Variants in MAP4K5 observed in about 807,000 individuals in gnomAD.
MAP4K5 encodes the protein MAPK/ERK kinase kinase kinase 5.
In MAP4K5, 82 loss-of-function variants were observed where a neutral mutation model predicts 135.6. The observed-to-expected ratio is 0.60, with a 90% CI of 0.51 to 0.73. The LOEUF is 0.73. Among genes scored for constraint, MAP4K5 ranks in the 30% least tolerant of loss-of-function variants. MAP4K5 has a pLI of 0.00. For synonymous variants in MAP4K5, 347 were observed against 335.0 expected (o/e 1.04, Z -0.39); for missense variants, 907 against 1,010.9 (o/e 0.90, Z 1.39).
At chr14:50,521,261 A>C (rs976685030) in intron 2 of MAP4K5, among the ~76,000 whole-genome samples, 7 of 152,238 alleles carry the variant, frequency 4.6e-5, no homozygotes, top group Non-Finnish European at 8.8e-5. Context: ...TATTGAAATC[A>C]GTCCATAAAT....
intron 2 of MAP4K5, among the ~76,000 whole-genome samples, chr14:50,539,680 A>G (rs542296208): frequency 6.6e-6 from 1 of 152,338 alleles, no homozygotes; most frequent in African/African-American, 2.4e-5. Context: ...GTATAGCCCT[A>G]ATGGGGAAGT....
intron 23 of MAP4K5, chr14:50,438,338 T>C (rs1030694601): frequency 1.3e-5 from 3 of 235,664 alleles, no homozygotes; most frequent in African/African-American, 7.0e-5. Context: ...TGAGTTACAA[T>C]GATGTACATG....
chr14:50,421,878 T>A (rs1039331205), intron 32 of MAP4K5, among the ~76,000 whole-genome samples: 1 of 136,192 alleles, frequency 7.3e-6, no homozygotes, highest in South Asian at 2.4e-4. Context: ...CCAGGATCAA[T>A]GGATGATCCA....
chr14:50,560,725 AC>A lies in MAP4K5; in HGVS notation c.-180+314del, dbSNP rs573424305. 9.4e-3 allele frequency among the ~76,000 whole-genome samples: 1,424 copies of A among 151,742 alleles called. 6 individuals carry two copies. Among genetic ancestry groups the A allele is most frequent in the Middle Eastern group, 0.017 (5 of 294 alleles). Reference sequence around the variant, plus strand: ...GGGATCTAGAGCAGGCCAAGCCCCAACCCCCCTCCCCGGGAGCCGCCAACTC... The same window carrying A: ...GGGATCTAGAGCAGGCCAAGCCCCAACCCCCTCCCCGGGAGCCGCCAACTC... On this transcript the variant is annotated intron_variant, in intron 1 of 8. Transcript: ENST00000555216.
At chr14:50,528,810 GAAAATACTT>G (rs1313357603) in intron 2 of MAP4K5, among the ~76,000 whole-genome samples, 2 of 152,062 alleles carry the variant, frequency 1.3e-5, no homozygotes, top group African/African-American at 4.8e-5. Context: ...ATCCTACATT[GAAAATACTT>G]CTAAAACGTC....
intron 2 of MAP4K5, chr14:50,505,124 T>G: frequency 3.2e-6 from 1 of 313,132 alleles, no homozygotes; most frequent in Non-Finnish European, 5.7e-6. Context: ...AAGGCTTTTC[T>G]TCAGCCTCGG....
intron 1 of MAP4K5, among the ~76,000 whole-genome samples, chr14:50,550,022 A>T (rs2038681891): frequency 6.6e-6 from 1 of 152,212 alleles, no homozygotes; most frequent in African/African-American, 2.4e-5. Flanking sequence ...CCAAGTGGCG[A>T]TGGCTACATG....
chr14:50,544,388 C>T (rs899928689), intron 1 of MAP4K5, among the ~76,000 whole-genome samples: 34 of 152,336 alleles, frequency 2.2e-4, no homozygotes, highest in African/African-American at 5.3e-4. Context: ...GACACTCCCC[C>T]GTCTTAGGGA....
chr14:50,548,812 G>A (rs551867141), intron 1 of MAP4K5, among the ~76,000 whole-genome samples: 1 of 152,030 alleles, frequency 6.6e-6, no homozygotes, highest in Non-Finnish European at 1.5e-5. Context: ...ACCCGGCCTG[G>A]TCTCAATTAT....
intron 2 of MAP4K5, among the ~76,000 whole-genome samples, chr14:50,521,738 C>T (rs1028334819): frequency 6.6e-6 from 1 of 152,184 alleles, no homozygotes; most frequent in African/African-American, 2.4e-5. Flanking sequence ...CTTCCCACAT[C>T]ATCATCTCAA....
chr14:50,478,039 T>C (rs1292470097), intron 6 of MAP4K5, among the ~76,000 whole-genome samples: 1 of 152,170 alleles, frequency 6.6e-6, no homozygotes, highest in African/African-American at 2.4e-5. Context: ...GCATTATTTC[T>C]TTCTTATATG....
At chr14:50,546,106 T>C (rs968158849) in intron 1 of MAP4K5, among the ~76,000 whole-genome samples, 2 of 152,180 alleles carry the variant, frequency 1.3e-5, no homozygotes, top group African/African-American at 2.4e-5. Context: ...AACTAAAATG[T>C]AAATGTTAGA....
At chr14:50,467,544 G>T (rs2036860122) in intron 10 of MAP4K5, among the ~76,000 whole-genome samples, 1 of 151,488 alleles carries the variant, frequency 6.6e-6, no homozygotes, top group Non-Finnish European at 1.5e-5. Flanking sequence ...ATATGTAATG[G>T]CTGCCCTTAA....
chr14:50,455,667 G>C (rs1168465240), intron 14 of MAP4K5, among the ~76,000 whole-genome samples: 2 of 152,048 alleles, frequency 1.3e-5, no homozygotes, highest in African/African-American at 4.8e-5. Flanking sequence ...TGAAAACTCA[G>C]ACTTAAACAA....
At chr14:50,483,706 TCTTTA>T (rs1279312718) in intron 5 of MAP4K5, among the ~76,000 whole-genome samples, 4 of 149,102 alleles carry the variant, frequency 2.7e-5, no homozygotes, top group African/African-American at 5.0e-5. Context: ...TCAAAGCTAT[TCTTTA>T]AACTTAAAAG....
rs764180693 is a variant in MAP4K5, at chr14:50,445,051, A to C, written c.1329T>G (p.Thr443=). The change falls in exon 18 of 33, where the codon ACT becomes ACG. Residue 443 remains threonine, a synonymous_variant. Transcript: ENST00000682126. ...TAATGCTAGCCATACCAATAGAAGA[A>C]GTCTCTGCCACAGGCCCACAACTTG... The part of the protein sequence containing the change: ...SSPSCGPVAE[T]SSIGNGDGIS... The C allele has an allele frequency of 6.2e-7, 1 of 1,613,248 alleles. No homozygotes were observed. The highest frequency in any genetic ancestry group is 8.5e-7 in the Non-Finnish European group (1 of 1,179,462).
chr14:50,477,418 A>G (rs887024932), intron 6 of MAP4K5, among the ~76,000 whole-genome samples: 1 of 152,184 alleles, frequency 6.6e-6, no homozygotes, highest in African/African-American at 2.4e-5. Flanking sequence ...GTCTGTGAAT[A>G]AAGAGAGTTG....
rs567057786 is a variant in MAP4K5 at position 50,420,137 on chromosome 14, A to G, written c.2454-31T>C. The G allele has an allele frequency of 6.5e-6, 8 of 1,227,400 alleles. No homozygotes were observed. In the Admixed American group the frequency reaches 1.5e-4, roughly 22 times the overall value. 76.0% of individuals were successfully genotyped at this position (1,227,400 alleles called of 1,614,324 possible). On this transcript the variant is annotated intron_variant, in intron 32 of 32. Transcript: ENST00000682126. ...ATTAAACCAAAACAAAGGGCTTAAG[A>G]GTAACTACAGATTTCATACATCAAA... is the stretch of plus-strand genomic sequence containing the variant.
intron 3 of MAP4K5, among the ~76,000 whole-genome samples, chr14:50,501,787 A>C (rs2037711055): frequency 6.6e-6 from 1 of 152,116 alleles, no homozygotes; most frequent in South Asian, 2.1e-4. Flanking sequence ...ATAGTAAGGG[A>C]AAGACTGAAG....
Sources: gnomAD v4.1 joint callset for allele counts (sites outside exome capture counted in the v4.1 genomes callset) on GRCh38, gnomAD v4.1.1 for gene constraint, MANE v1.5 for transcripts, NCBI Gene and HGNC (gene_info 2026-07-23, HGNC 2026-07-21) for gene names.